The following PDZRN4 variants were observed in gnomAD, a reference collection of about 807,000 sequenced individuals.
The protein encoded by PDZRN4 is PDZ domain-containing RING finger protein 4.
In PDZRN4, 70 loss-of-function variants were observed where a neutral mutation model predicts 99.0. The observed-to-expected ratio is 0.71, with a 90% CI of 0.58 to 0.86. The LOEUF (loss-of-function observed/expected upper bound fraction) is 0.86, where lower values mean the gene tolerates loss of function less well. PDZRN4 is among the 40% of genes least tolerant of loss of function. The probability of loss-of-function intolerance (pLI) is 0.00; values close to 1 mark genes in which losing one functional copy is unlikely to be tolerated. For missense variants in PDZRN4, 1,474 were observed against 1,331.2 expected (o/e 1.11, Z -1.67); for synonymous variants, 551 against 501.6 (o/e 1.10, Z -1.32).
At chr12:41,234,278 T>C (rs7304286) in intron 3 of PDZRN4, among the ~76,000 whole-genome samples, 101,504 of 151,888 alleles carry the variant, frequency 0.67, 34,057 homozygotes, top group South Asian at 0.73. Context: ...TCTGAAATCA[T>C]ACATTTGGAA....
intron 3 of PDZRN4, among the ~76,000 whole-genome samples, chr12:41,316,456 A>ATATGTGTGTGTG (rs1491539067): frequency 6.9e-6 from 1 of 144,532 alleles, no homozygotes; most frequent in African/African-American, 2.5e-5. Context: ...AAAAAGGCAA[A>ATATGTGTGTGTG]TGTGTGTGTG....
At chr12:41,378,964 A>T (rs1317009051) in intron 3 of PDZRN4, among the ~76,000 whole-genome samples, 1 of 152,184 alleles carries the variant, frequency 6.6e-6, no homozygotes, top group African/African-American at 2.4e-5. Flanking sequence ...CATGTGTAGT[A>T]ATCTATAGTC....
At chr12:41,448,142 C>G (rs1045541080) in intron 3 of PDZRN4, among the ~76,000 whole-genome samples, 1 of 152,056 alleles carries the variant, frequency 6.6e-6, no homozygotes, top group Admixed American at 6.6e-5. Flanking sequence ...GGCTTGAAAG[C>G]CTTTCCCCAC....
At chr12:41,317,165 G>T (rs991448132) in intron 3 of PDZRN4, among the ~76,000 whole-genome samples, 1 of 149,848 alleles carries the variant, frequency 6.7e-6, no homozygotes, top group Non-Finnish European at 1.5e-5. Flanking sequence ...GAGAGAGAGA[G>T]ATAAATAGGT....
intron 9 of PDZRN4, among the ~76,000 whole-genome samples, chr12:41,569,206 G>T (rs1939432505): frequency 6.6e-6 from 1 of 151,600 alleles, no homozygotes; most frequent in Non-Finnish European, 1.5e-5. Context: ...TGCAACCTCT[G>T]CCTCCTGGGC....
rs192248347 is a variant in PDZRN4 at position 41,498,295 on chromosome 12, A to T, written c.844-8161A>T. On this transcript the variant is annotated intron_variant, in intron 3 of 9. Coordinates refer to ENST00000402685, the MANE Select transcript of PDZRN4 (RefSeq NM_001164595.2). ...AATATATAACCTGAGTCTAATCAAG[A>T]CAAATATTAGACAAACCCAAATGGA... is the stretch of plus-strand genomic sequence containing the variant. Among the ~76,000 whole-genome samples the T allele has an allele frequency of 5.4e-4, 82 of 152,264 alleles. 1 individual carries two copies. The East Asian group carries it at 0.012, about 23-fold the overall frequency.
intron 3 of PDZRN4, among the ~76,000 whole-genome samples, chr12:41,316,639 C>T (rs535381656): frequency 7.8e-4 from 118 of 152,000 alleles, no homozygotes; most frequent in African/African-American, 2.3e-3. Context: ...GGTTGTATCA[C>T]GAGTACCCAT....
intron 3 of PDZRN4, among the ~76,000 whole-genome samples, chr12:41,262,166 T>C (rs972970502): frequency 2.6e-5 from 4 of 152,222 alleles, no homozygotes; most frequent in Admixed American, 1.3e-4. Flanking sequence ...AAACGAGGAC[T>C]TCTGGAACTC....
intron 3 of PDZRN4, among the ~76,000 whole-genome samples, chr12:41,432,096 T>C (rs1362434564): frequency 2.6e-5 from 4 of 152,210 alleles, no homozygotes. Flanking sequence ...ACCAGACATA[T>C]GATAAGCACA....
intron 3 of PDZRN4, among the ~76,000 whole-genome samples, chr12:41,267,065 C>T (rs774955239): frequency 5.9e-5 from 9 of 152,000 alleles, no homozygotes; most frequent in African/African-American, 9.7e-5. Context: ...TTTTTTTTCA[C>T]GGGCTCTACA....
chr12:41,445,632 C>T (rs1274381489), intron 3 of PDZRN4, among the ~76,000 whole-genome samples: 1 of 151,888 alleles, frequency 6.6e-6, no homozygotes, highest in Non-Finnish European at 1.5e-5. Context: ...AGGTCCCCAG[C>T]TTGTGGTTTT....
intron 3 of PDZRN4, among the ~76,000 whole-genome samples, chr12:41,382,164 C>T (rs1952132484): frequency 6.6e-6 from 1 of 152,152 alleles, no homozygotes. Context: ...GAATGGGTTC[C>T]ATTATCACGC....
At chr12:41,491,555 ACCATGAATACTGGCTTT>A (rs1236018755) in intron 3 of PDZRN4, among the ~76,000 whole-genome samples, 3 of 151,882 alleles carry the variant, frequency 2.0e-5, no homozygotes, top group African/African-American at 7.3e-5. Flanking sequence ...AAAAACAAAA[ACCATGAATACTGGCTTT>A]CCCTGTCAGG....
intron 3 of PDZRN4, among the ~76,000 whole-genome samples, chr12:41,492,683 G>A (rs1421832004): frequency 6.6e-6 from 1 of 152,092 alleles, no homozygotes; most frequent in East Asian, 1.9e-4. Flanking sequence ...ATGAGATCTT[G>A]GTGGTGTAAG....
At chr12:41,478,431 A>G (rs1326178200) in intron 3 of PDZRN4, among the ~76,000 whole-genome samples, 2 of 152,194 alleles carry the variant, frequency 1.3e-5, no homozygotes, top group Non-Finnish European at 2.9e-5. Context: ...AATTAAATAT[A>G]CTTACATATA....
intron 3 of PDZRN4, among the ~76,000 whole-genome samples, chr12:41,418,963 G>T (rs564613848): frequency 6.6e-6 from 1 of 152,080 alleles, no homozygotes; most frequent in Non-Finnish European, 1.5e-5. Context: ...TTGGCTTCTC[G>T]TAGCCAGAAG....
intron 3 of PDZRN4, among the ~76,000 whole-genome samples, chr12:41,497,280 T>C (rs749015846): frequency 5.9e-5 from 9 of 152,146 alleles, no homozygotes; most frequent in Non-Finnish European, 1.3e-4. Context: ...ACCTGAGTTG[T>C]TTAATGACAA....
At chr12:41,352,283 G>C (rs1002340385) in intron 3 of PDZRN4, among the ~76,000 whole-genome samples, 3 of 152,066 alleles carry the variant, frequency 2.0e-5, no homozygotes, top group Non-Finnish European at 4.4e-5. Flanking sequence ...GAAAAGGAAG[G>C]TGTCATCTTG....
chr12:41,345,593 C>G (rs535496422), intron 3 of PDZRN4, among the ~76,000 whole-genome samples: 5 of 152,136 alleles, frequency 3.3e-5, no homozygotes, highest in Non-Finnish European at 7.3e-5. Flanking sequence ...TTTCCTCCCA[C>G]TTTTGGTGAG....
Sources: gnomAD v4.1 joint callset for allele counts (sites outside exome capture counted in the v4.1 genomes callset) on GRCh38, gnomAD v4.1.1 for gene constraint, MANE v1.5 for transcripts, NCBI Gene and HGNC (gene_info 2026-07-23, HGNC 2026-07-21) for gene names.